The following KLHL14 variants were observed in gnomAD, a reference collection of about 807,000 sequenced individuals.
KLHL14 encodes the protein kelch-like protein 14.
KLHL14 carries 22 observed loss-of-function variants against 64.3 expected under a neutral mutation model. The observed-to-expected ratio is 0.34, with a 90% confidence interval of 0.24 to 0.49. The LOEUF (loss-of-function observed/expected upper bound fraction) is 0.49, where lower values mean the gene tolerates loss of function less well. KLHL14 is among the 20% of genes least tolerant of loss of function. The pLI, the probability that KLHL14 is intolerant of heterozygous loss-of-function variation, is 0.99. For synonymous variants in KLHL14, 322 were observed against 333.4 expected (o/e 0.97, Z 0.37); for missense variants, 661 against 789.0 (o/e 0.84, Z 1.94).
chr18:32,701,042 G>A (rs2049963965), intron 3 of KLHL14, among the ~76,000 whole-genome samples: 1 of 152,220 alleles, frequency 6.6e-6, no homozygotes, highest in Non-Finnish European at 1.5e-5. Flanking sequence ...GACCAGTGCA[G>A]TGTGGAAGGA....
chr18:32,704,161 A>T (rs2049979147), intron 3 of KLHL14, among the ~76,000 whole-genome samples: 1 of 152,218 alleles, frequency 6.6e-6, no homozygotes, highest in Admixed American at 6.5e-5. Context: ...ATCTTTGACA[A>T]AGGTTAAGGG....
intron 3 of KLHL14, among the ~76,000 whole-genome samples, chr18:32,717,010 C>T (rs925180699): frequency 1.3e-5 from 2 of 152,082 alleles, no homozygotes; most frequent in Admixed American, 6.5e-5. Context: ...ATTGAAATAT[C>T]CTCTCTCTCC....
chr18:32,680,345 A>G lies in KLHL14; in HGVS notation c.1430-18T>C, dbSNP rs762365635. ...TACACCCCCTGTGAAATAAACATAG[A>G]CATACAAGTCAAGAGAGTGCTTTGG... On this transcript the variant is annotated intron_variant, in intron 6 of 8. Coordinates refer to ENST00000359358, the MANE Select transcript of KLHL14 (RefSeq NM_020805.3). The surrounding 1 kb of genome is among the most constrained non-coding windows in gnomAD (Gnocchi z 4.8). 3.1e-5 allele frequency: 50 copies of G among 1,613,530 alleles called. No individual in the cohort carries two copies. In the South Asian group the frequency reaches 5.3e-4, roughly 17 times the overall value.
intron 3 of KLHL14, among the ~76,000 whole-genome samples, chr18:32,737,019 T>A (rs1367953752): frequency 2.0e-5 from 3 of 152,126 alleles, no homozygotes; most frequent in Admixed American, 1.3e-4. Flanking sequence ...GGGTATTCAA[T>A]AATTGCTTAT....
At chr18:32,684,387 T>C (rs1247523066) in intron 5 of KLHL14, among the ~76,000 whole-genome samples, 1 of 152,138 alleles carries the variant, frequency 6.6e-6, no homozygotes, top group Non-Finnish European at 1.5e-5. Flanking sequence ...AAGGGTTGCC[T>C]AGGTAGGCTA....
intron 5 of KLHL14, among the ~76,000 whole-genome samples, chr18:32,684,089 C>A (rs1039055616): frequency 6.6e-6 from 1 of 151,972 alleles, no homozygotes; most frequent in Non-Finnish European, 1.5e-5. Flanking sequence ...ACACTTCAAA[C>A]ATCAACTTTT....
At chr18:32,735,898 G>A (rs1181261199) in intron 3 of KLHL14, among the ~76,000 whole-genome samples, 2 of 152,124 alleles carry the variant, frequency 1.3e-5, no homozygotes, top group African/African-American at 4.8e-5. Context: ...AAATGAGAGG[G>A]TTGGGCATTG....
intron 3 of KLHL14, among the ~76,000 whole-genome samples, chr18:32,700,139 A>T (rs965632032): frequency 6.6e-6 from 1 of 152,150 alleles, no homozygotes; most frequent in South Asian, 2.1e-4. Context: ...CAGAAAGTAT[A>T]CGTATCCTTT....
chr18:32,683,207 C>T lies in KLHL14; in HGVS notation c.1239-2608G>A, dbSNP rs559683388. ...TGCTCTCTTTTCTAGCCAAGGCGTT[C>T]TTCATGCGACACTTCGTGTGTACTC... is the stretch of plus-strand genomic sequence containing the variant. On this transcript the variant is annotated intron_variant, in intron 5 of 8. Transcript: ENST00000359358. The surrounding 1 kb of genome is among the most constrained non-coding windows in gnomAD (Gnocchi z 4.2). 3.3e-5 allele frequency among the ~76,000 whole-genome samples: 5 copies of T among 152,226 alleles called. No individual in the cohort carries two copies. The highest frequency in any genetic ancestry group is 4.4e-5 in the Non-Finnish European group (3 of 68,022).
At chr18:32,766,161 T>G (rs2050342878) in intron 2 of KLHL14, among the ~76,000 whole-genome samples, 1 of 152,084 alleles carries the variant, frequency 6.6e-6, no homozygotes, top group African/African-American at 2.4e-5. Flanking sequence ...ATTTATTCGT[T>G]ATATTGTGTG....
At chr18:32,681,348 G>T (rs1224405893) in intron 5 of KLHL14, among the ~76,000 whole-genome samples, 1 of 152,126 alleles carries the variant, frequency 6.6e-6, no homozygotes, top group South Asian at 2.1e-4. Context: ...CATAATTTAG[G>T]AGTGAGATTT....
At chr18:32,768,817 G>C (rs950181014) in intron 2 of KLHL14, among the ~76,000 whole-genome samples, 1 of 152,076 alleles carries the variant, frequency 6.6e-6, no homozygotes, top group South Asian at 2.1e-4. Flanking sequence ...CAACAACAGA[G>C]GCAGCAGCAA....
chr18:32,679,755 A>G (rs556201395), intron 7 of KLHL14, among the ~76,000 whole-genome samples: 2 of 152,286 alleles, frequency 1.3e-5, no homozygotes, highest in East Asian at 3.9e-4. Context: ...AAAAAATCAC[A>G]TATTAGCTTT....
chr18:32,757,115 A>G (rs1233255358), intron 2 of KLHL14, among the ~76,000 whole-genome samples: 1 of 152,240 alleles, frequency 6.6e-6, no homozygotes, highest in Non-Finnish European at 1.5e-5. Context: ...TCATGAAGAT[A>G]CATAATCAAA....
At chr18:32,746,504 C>A (rs1471543065) in intron 2 of KLHL14, among the ~76,000 whole-genome samples, 1 of 152,146 alleles carries the variant, frequency 6.6e-6, no homozygotes, top group Non-Finnish European at 1.5e-5. Flanking sequence ...GTTCTAAGTA[C>A]TGTAAAATCT....
intron 2 of KLHL14, among the ~76,000 whole-genome samples, chr18:32,747,074 T>C (rs1348481776): frequency 2.0e-5 from 3 of 152,214 alleles, no homozygotes; most frequent in Non-Finnish European, 2.9e-5. Context: ...ATTTGGAAAT[T>C]TGAAATGAAT....
rs965023275 is a variant in KLHL14 at position 32,683,047 on chromosome 18, T to C, written c.1239-2448A>G. On this transcript the variant is annotated intron_variant, in intron 5 of 8. Coordinates refer to ENST00000359358, the MANE Select transcript of KLHL14 (RefSeq NM_020805.3). This position sits in a 1 kb window ranked among gnomAD's most constrained non-coding sequence, Gnocchi z 4.2. ...CAAGTATGAAAACCTTCTATTTAACTGAGTATAGATTTTGAAGAATAAGAG... is the reference window on the plus strand; with the variant it reads ...CAAGTATGAAAACCTTCTATTTAACCGAGTATAGATTTTGAAGAATAAGAG... 6.6e-6 allele frequency among the ~76,000 whole-genome samples: 1 copy of C among 152,236 alleles called. No homozygotes were observed. Among genetic ancestry groups the C allele is most frequent in the African/African-American group, 2.4e-5 (1 of 41,466 alleles).
intron 4 of KLHL14, among the ~76,000 whole-genome samples, chr18:32,693,461 G>A (rs2049922034): frequency 1.4e-5 from 2 of 146,180 alleles, no homozygotes; most frequent in African/African-American, 5.2e-5. Context: ...GCACTCCCAG[G>A]CCTGTATTAA....
At chr18:32,722,099 G>T (rs572451804) in intron 3 of KLHL14, among the ~76,000 whole-genome samples, 25 of 152,276 alleles carry the variant, frequency 1.6e-4, no homozygotes, top group Admixed American at 1.5e-3. Flanking sequence ...CTTGCCTGCT[G>T]CCATATAAAA....
Sources: gnomAD v4.1 joint callset for allele counts (sites outside exome capture counted in the v4.1 genomes callset) on GRCh38, gnomAD v4.1.1 for gene constraint, Gnocchi (gnomAD v3.1) non-coding constraint, MANE v1.5 for transcripts, NCBI Gene and HGNC (gene_info 2026-07-23, HGNC 2026-07-21) for gene names.